Variants in VSIG10 observed in about 807,000 individuals in gnomAD.
VSIG10 encodes the protein V-set and immunoglobulin domain containing 10.
In VSIG10, 48 loss-of-function variants were observed where a neutral mutation model predicts 58.7. The ratio of observed to expected loss-of-function variants is 0.82; its 90% CI spans 0.65 to 1.04. The LOEUF is 1.04. VSIG10 is among the 50% of genes least tolerant of loss of function. The pLI, the probability that VSIG10 is intolerant of heterozygous loss-of-function variation, is 0.00. For missense variants in VSIG10, 628 were observed against 670.0 expected (o/e 0.94, Z 0.69); for synonymous variants, 260 against 267.1 (o/e 0.97, Z 0.26).
At chr12:118,077,441 CT>C (rs1243715230) in intron 4 of VSIG10, among the ~76,000 whole-genome samples, 3 of 152,212 alleles carry the variant, frequency 2.0e-5, no homozygotes, top group African/African-American at 4.8e-5. Context: ...ACCTATCTTA[CT>C]TGTTTTTGTA....
intron 1 of VSIG10, among the ~76,000 whole-genome samples, chr12:118,098,926 G>GGA (rs1555275563): frequency 2.7e-5 from 4 of 150,290 alleles, no homozygotes; most frequent in Admixed American, 6.6e-5. Context: ...ATGGGGGTTG[G>GGA]GGGGGGTCTC....
At chr12:118,096,413 T>C (rs1233353038) in intron 1 of VSIG10, among the ~76,000 whole-genome samples, 1 of 150,560 alleles carries the variant, frequency 6.6e-6, no homozygotes, top group African/African-American at 2.4e-5. Context: ...ACCCTGTCTC[T>C]ACTAAAAATA....
chr12:118,101,544 G>C (rs548664551), intron 1 of VSIG10: 1 of 152,164 alleles, frequency 6.6e-6, no homozygotes, highest in South Asian at 2.1e-4. Context: ...ATAGAGAACC[G>C]AAGAGGGAGT....
At position 118,071,066 on chromosome 12, in the gene VSIG10, T is replaced by C; in HGVS notation, c.1332A>G (p.Val444=). The C allele has an allele frequency of 6.3e-7, 1 of 1,598,980 alleles. No individual in the cohort carries two copies. The highest frequency in any genetic ancestry group is 1.3e-5 in the African/African-American group (1 of 74,880). ...LHYSPVFCWK[V]GNTSRGQNMD... ...GGAACACTCACCTGGAAGTGTTTCC[T>C]ACTGAAGAGAGAAAGGAAAAACCAT... is the stretch of plus-strand genomic sequence containing the variant. The change falls in exon 7 of 9, where the codon GTA becomes GTG. Residue 444 remains valine (V), a splice_region_variant and synonymous_variant. Coordinates refer to ENST00000359236, the MANE Select transcript of VSIG10 (RefSeq NM_019086.6).
chr12:118,100,842 A>T (rs909406120), intron 1 of VSIG10, among the ~76,000 whole-genome samples: 1 of 152,194 alleles, frequency 6.6e-6, no homozygotes, highest in African/African-American at 2.4e-5. Flanking sequence ...AATTATTTTT[A>T]AATTATTAGG....
intron 2 of VSIG10, among the ~76,000 whole-genome samples, chr12:118,085,984 C>G (rs1337161242): frequency 6.7e-6 from 1 of 149,510 alleles, no homozygotes; most frequent in Admixed American, 6.7e-5. Flanking sequence ...ATGGTGAAAC[C>G]CTGTCTTTTC....
chr12:118,079,557 C>G lies in VSIG10; in HGVS notation c.714G>C (p.Ser238=). The G allele has an allele frequency of 1.2e-6, 2 of 1,614,008 alleles. No homozygotes were observed. Among genetic ancestry groups the G allele is most frequent in the Non-Finnish European group, 1.7e-6 (2 of 1,179,898 alleles). The change falls in exon 4 of 9, where the codon TCG becomes TCC. Residue 238 remains serine (S), a synonymous_variant. Transcript: ENST00000359236. The part of the protein sequence containing the change: ...PQCWAQMASG[S]FMLQLTCRWD... ...AGCGACAGGTAAGCTGCAACATGAA[C>G]GATCCTGATGCCATCTGTGCCCAGC...
chr12:118,076,577 A>G (rs1224913349), intron 4 of VSIG10, among the ~76,000 whole-genome samples: 1 of 151,868 alleles, frequency 6.6e-6, no homozygotes, highest in Non-Finnish European at 1.5e-5. Context: ...GGCCCAAGCA[A>G]TATGCCCGTC....
At chr12:118,100,977 G>T (rs1018102727) in intron 1 of VSIG10, among the ~76,000 whole-genome samples, 8 of 152,224 alleles carry the variant, frequency 5.3e-5, no homozygotes, top group African/African-American at 1.9e-4. Flanking sequence ...CCTTGGCAAA[G>T]AAATAAAGGA....
intron 4 of VSIG10, among the ~76,000 whole-genome samples, chr12:118,076,672 CT>C (rs11342062): frequency 0.11 from 17,335 of 151,384 alleles, 1,218 homozygotes; most frequent in South Asian, 0.18. Context: ...TTACCTTTCC[CT>C]TTTTTTTGTT....
chr12:118,070,646 T>C (rs1335008871), intron 7 of VSIG10, among the ~76,000 whole-genome samples: 1 of 151,856 alleles, frequency 6.6e-6, no homozygotes, highest in Non-Finnish European at 1.5e-5. Context: ...ATAAAACAAA[T>C]GCATGAATGA....
intron 4 of VSIG10, among the ~76,000 whole-genome samples, chr12:118,074,747 A>C (rs916125822): frequency 6.6e-6 from 1 of 151,646 alleles, no homozygotes; most frequent in African/African-American, 2.4e-5. Context: ...CCAAAGTGCT[A>C]GGATTACAGG....
intron 2 of VSIG10, among the ~76,000 whole-genome samples, chr12:118,093,643 G>A (rs1189585108): frequency 6.6e-6 from 1 of 152,074 alleles, no homozygotes; most frequent in Non-Finnish European, 1.5e-5. Context: ...GGACACGGTG[G>A]CTCATGCTTG....
In VSIG10 at chr12:118,079,534, C is replaced by G. The variant is rs774654305; in HGVS notation, c.737G>C (p.Arg246Pro). ...SGSFMLQLTC[R>P]WDGGYPDPDF... ...AGGGTCAGGGTATCCCCCATCCCAGCGACAGGTAAGCTGCAACATGAACGA... is the reference window on the plus strand; with the variant it reads ...AGGGTCAGGGTATCCCCCATCCCAGGGACAGGTAAGCTGCAACATGAACGA... Residue 246 changes from arginine to proline, a missense_variant, in exon 4 of 9, where the codon CGC (arginine) becomes CCC (proline). By Grantham distance (103) the Arg-to-Pro change is moderately radical. Transcript: ENST00000359236. 1.2e-6 allele frequency: 2 copies of G among 1,613,900 alleles called. No individual in the cohort carries two copies. The highest frequency in any genetic ancestry group is 2.7e-5 in the African/African-American group (2 of 74,926).
At chr12:118,095,115 A>T (rs1049457341) in intron 2 of VSIG10, among the ~76,000 whole-genome samples, 2 of 152,064 alleles carry the variant, frequency 1.3e-5, no homozygotes, top group African/African-American at 4.8e-5. Flanking sequence ...ATGTTAGCCA[A>T]GATGGTCTCA....
intron 4 of VSIG10, among the ~76,000 whole-genome samples, 153 bp from the exon 5 acceptor site, chr12:118,074,145 C>G (rs1423885144): frequency 6.6e-6 from 1 of 152,032 alleles, no homozygotes; most frequent in Non-Finnish European, 1.5e-5. Context: ...TGCAGTGGTG[C>G]GATCTCAGCT....
intron 6 of VSIG10, 120 bp downstream of exon 6, chr12:118,071,239 C>T: frequency 8.2e-7 from 1 of 1,223,502 alleles, no homozygotes; most frequent in Non-Finnish European, 1.2e-6. Context: ...TGTATCTTGA[C>T]CCAGCAAAGA....
intron 1 of VSIG10, among the ~76,000 whole-genome samples, chr12:118,100,808 C>T (rs1359099358): frequency 2.6e-5 from 4 of 152,122 alleles, no homozygotes; most frequent in African/African-American, 9.7e-5. Flanking sequence ...GGATTACAGG[C>T]GGGAGCCACC....
Position 118,079,454 on chromosome 12 carries a change from C to G in VSIG10, c.817G>C (p.Gly273Arg). 3 of 1,614,022 alleles carry G rather than the reference C, an allele frequency of 1.9e-6. No homozygotes were observed. The highest frequency in any genetic ancestry group is 2.5e-6 in the Non-Finnish European group (3 of 1,179,888). ...GGVIVGKSKL[G>R]VEMLSESQLS... ...TGGGACTCGCTCAGCATTTCCACCC[C>G]CAGCTTTGACTTCCCCACGATTACA... is the stretch of plus-strand genomic sequence containing the variant. The change falls in exon 4 of 9, where the codon GGG (glycine) becomes CGG (arginine). Residue 273 changes from glycine (G) to arginine (R), a missense_variant. Gly to Arg is a moderately radical substitution (Grantham distance 125). Coordinates refer to ENST00000359236, the MANE Select transcript of VSIG10 (RefSeq NM_019086.6).
Sources: gnomAD v4.1 joint callset for allele counts (sites outside exome capture counted in the v4.1 genomes callset) on GRCh38, gnomAD v4.1.1 for gene constraint, MANE v1.5 for transcripts, NCBI Gene and HGNC (gene_info 2026-07-23, HGNC 2026-07-21) for gene names.